Variants in AFG2A observed in about 807,000 individuals in gnomAD.
The protein encoded by AFG2A is AAA ATPase AFG2A.
the AFG2A span, among the ~76,000 whole-genome samples, chr4:123,159,705 G>C: frequency 6.6e-6 from 1 of 152,078 alleles, no homozygotes; most frequent in Admixed American, 6.6e-5. Flanking sequence ...ACCTAGGACC[G>C]GGAGGTGCAG....
the AFG2A span, among the ~76,000 whole-genome samples, chr4:123,212,315 C>T: frequency 5.3e-5 from 8 of 152,054 alleles, no homozygotes; most frequent in African/African-American, 1.7e-4. Context: ...GAACGTGAAA[C>T]CTTCTACCTA....
chr4:123,090,878 A>G, the AFG2A span, among the ~76,000 whole-genome samples: 1 of 152,372 alleles, frequency 6.6e-6, no homozygotes, highest in Non-Finnish European at 1.5e-5. Flanking sequence ...GTCTGGTAAG[A>G]CAGAACATTC....
the AFG2A span, among the ~76,000 whole-genome samples, chr4:123,061,114 T>C: frequency 1.3e-5 from 2 of 152,294 alleles, no homozygotes; most frequent in East Asian, 1.9e-4. Context: ...ACTTAACACG[T>C]CTCTAGGAAG....
the AFG2A span, among the ~76,000 whole-genome samples, chr4:123,032,263 G>T: frequency 6.6e-6 from 1 of 152,156 alleles, no homozygotes; most frequent in Admixed American, 6.5e-5. Context: ...AAAACCTGTG[G>T]TTTATTCAAA....
chr4:122,947,126 C>A, the AFG2A span: 1 of 1,127,476 alleles, frequency 8.9e-7, no homozygotes, highest in Non-Finnish European at 1.2e-6. Context: ...ACTTAGTAGC[C>A]TGGACAGTTA....
At chr4:122,945,872 C>T in the AFG2A span, among the ~76,000 whole-genome samples, 189 of 152,324 alleles carry the variant, frequency 1.2e-3, no homozygotes, top group African/African-American at 4.4e-3. Flanking sequence ...CACTAAGTCA[C>T]TTATATACTA....
At chr4:123,202,104 T>C in the AFG2A span, among the ~76,000 whole-genome samples, 2 of 152,208 alleles carry the variant, frequency 1.3e-5, no homozygotes, top group African/African-American at 4.8e-5. Flanking sequence ...ATAGCATCTT[T>C]TAAAATTTAT....
At chr4:123,090,733 T>C in the AFG2A span, 1 of 1,595,820 alleles carries the variant, frequency 6.3e-7, no homozygotes, top group Non-Finnish European at 8.5e-7. Flanking sequence ...GTGGATATTA[T>C]AAAATCAAGA....
chr4:122,967,998 T>G, the AFG2A span, among the ~76,000 whole-genome samples: 2 of 152,092 alleles, frequency 1.3e-5, no homozygotes, highest in Non-Finnish European at 2.9e-5. Context: ...TTAATAGACT[T>G]TTTTTAGAGC....
the AFG2A span, among the ~76,000 whole-genome samples, chr4:123,179,920 A>G: frequency 6.6e-6 from 1 of 152,116 alleles, no homozygotes; most frequent in African/African-American, 2.4e-5. Flanking sequence ...CTAATAAAGA[A>G]CTTAGTAGTA....
chr4:123,196,828 A>G, the AFG2A span, among the ~76,000 whole-genome samples: 1 of 152,150 alleles, frequency 6.6e-6, no homozygotes, highest in South Asian at 2.1e-4. Flanking sequence ...GAGTCTCTTT[A>G]CTATTTATAG....
the AFG2A span, chr4:122,933,562 T>C: frequency 7.7e-7 from 1 of 1,305,416 alleles, no homozygotes; most frequent in Non-Finnish European, 1.1e-6. Context: ...AAATAAAGTG[T>C]CTTTGAGGGC....
chr4:122,935,016 A>G, the AFG2A span, among the ~76,000 whole-genome samples: 4 of 152,152 alleles, frequency 2.6e-5, no homozygotes, highest in Admixed American at 6.6e-5. Flanking sequence ...GTATCTTGTC[A>G]TGCTGGGTCA....
chr4:122,961,766 A>G, the AFG2A span, among the ~76,000 whole-genome samples: 1 of 152,262 alleles, frequency 6.6e-6, no homozygotes, highest in Admixed American at 6.5e-5. Context: ...CAGCCTCCCA[A>G]AGTGCTGGGA....
At chr4:123,291,713 T>C in the AFG2A span, among the ~76,000 whole-genome samples, 115 of 152,384 alleles carry the variant, frequency 7.5e-4, 3 homozygotes, top group Admixed American at 4.0e-3. Context: ...ATAAGGTTTC[T>C]GCTGAGAAAT....
the AFG2A span, among the ~76,000 whole-genome samples, chr4:123,134,679 G>A: frequency 2.0e-5 from 3 of 149,138 alleles, no homozygotes. Context: ...TAGAAAAATG[G>A]ATAGAAACAT....
chr4:123,297,671 A>T, the AFG2A span, among the ~76,000 whole-genome samples: 1 of 151,436 alleles, frequency 6.6e-6, no homozygotes, highest in Non-Finnish European at 1.5e-5. Context: ...GTGAGCCGAG[A>T]TTGTGCCACT....
chr4:123,225,560 A>G, the AFG2A span, among the ~76,000 whole-genome samples: 1 of 152,066 alleles, frequency 6.6e-6, no homozygotes, highest in African/African-American at 2.4e-5. Flanking sequence ...GTTCTGTTCC[A>G]TTGGTCTATA....
chr4:123,255,232 TGG>T, the AFG2A span, among the ~76,000 whole-genome samples: 1 of 152,136 alleles, frequency 6.6e-6, no homozygotes, highest in African/African-American at 2.4e-5. Flanking sequence ...TCCAAAGTGC[TGG>T]GATTGGCCGG....
Sources: gnomAD v4.1 joint callset for allele counts (sites outside exome capture counted in the v4.1 genomes callset) on GRCh38, gnomAD v4.1.1 for gene constraint, MANE v1.5 for transcripts, NCBI Gene and HGNC (gene_info 2026-07-23, HGNC 2026-07-21) for gene names.